SNX29: variants seen among roughly 807,000 people sequenced by gnomAD.
The protein encoded by SNX29 is sorting nexin 29.
A neutral mutation model predicts 102.1 loss-of-function variants in SNX29; 78 were observed. That is an observed-to-expected ratio of 0.76 (90% CI 0.64 to 0.92). The LOEUF is 0.92. Among genes scored for constraint, SNX29 ranks in the 40% least tolerant of loss-of-function variants. SNX29 has a pLI of 0.00. For missense variants in SNX29, 1,280 were observed against 1,061.7 expected, an observed-to-expected ratio of 1.21 and a Z score of -2.86; for synonymous variants, 580 against 414.5, an observed-to-expected ratio of 1.40 and a Z score of -4.85.
chr16:12,270,761 G>A (rs2079067066), intron 14 of SNX29, among the ~76,000 whole-genome samples: 1 of 152,012 alleles, frequency 6.6e-6, no homozygotes, highest in African/African-American at 2.4e-5. Context: ...TGGTCTCTCG[G>A]CTGGGCACAG....
At chr16:12,321,271 C>T (rs1179353589) in intron 15 of SNX29, among the ~76,000 whole-genome samples, 3 of 152,200 alleles carry the variant, frequency 2.0e-5, no homozygotes, top group Non-Finnish European at 4.4e-5. Flanking sequence ...TCTTCTCCAG[C>T]GGCCACCCTC....
intron 18 of SNX29, among the ~76,000 whole-genome samples, chr16:12,466,549 G>A (rs760066116): frequency 2.6e-5 from 4 of 152,128 alleles, no homozygotes; most frequent in African/African-American, 9.7e-5. Context: ...TTCCAGAGTC[G>A]CGGCCTGTCT....
chr16:12,400,398 T>TA (rs899824063), intron 17 of SNX29, among the ~76,000 whole-genome samples: 1 of 152,240 alleles, frequency 6.6e-6, no homozygotes, highest in Non-Finnish European at 1.5e-5. Flanking sequence ...ACTCAGTCCC[T>TA]ACAACAACCT....
At chr16:12,526,639 CG>C (rs1567656021) in intron 20 of SNX29, 4 of 528,830 alleles carry the variant, frequency 7.6e-6, no homozygotes, top group Admixed American at 2.3e-5. Context: ...CCAGGGTGCA[CG>C]GGGGAATTAG....
At chr16:12,547,854 T>A (rs1488459500) in intron 20 of SNX29, among the ~76,000 whole-genome samples, 2 of 152,172 alleles carry the variant, frequency 1.3e-5, no homozygotes, top group Non-Finnish European at 2.9e-5. Flanking sequence ...AACTGGAGTT[T>A]AGCAAAATGA....
intron 20 of SNX29, among the ~76,000 whole-genome samples, chr16:12,551,216 C>G (rs1486030544): frequency 2.0e-5 from 3 of 148,480 alleles, no homozygotes; most frequent in African/African-American, 5.1e-5. Flanking sequence ...ACACTGCACT[C>G]AGATTTGCCA....
intron 20 of SNX29, among the ~76,000 whole-genome samples, chr16:12,529,613 A>T (rs77396544): frequency 1.2e-3 from 186 of 152,306 alleles, no homozygotes; most frequent in African/African-American, 4.3e-3. Context: ...AGAGTAATGT[A>T]GGTCACAGCA....
chr16:12,213,736 C>T (rs981743833), intron 14 of SNX29, among the ~76,000 whole-genome samples: 4 of 152,210 alleles, frequency 2.6e-5, no homozygotes, highest in African/African-American at 9.6e-5. Context: ...CCTGACAAAA[C>T]AGTATTTGTG....
intron 19 of SNX29, among the ~76,000 whole-genome samples, chr16:12,513,635 A>G (rs1395087709): frequency 6.6e-6 from 1 of 152,232 alleles, no homozygotes; most frequent in Non-Finnish European, 1.5e-5. Context: ...TGATTGGCCC[A>G]GATGGGAGCC....
chr16:12,036,394 G>A (rs1326157292), intron 4 of SNX29, among the ~76,000 whole-genome samples: 2 of 147,862 alleles, frequency 1.4e-5, no homozygotes, highest in Non-Finnish European at 3.0e-5. Flanking sequence ...GAGTGCAGTG[G>A]CACCATCTCG....
chr16:12,168,985 CAGAA>C (rs2076081403), intron 13 of SNX29, among the ~76,000 whole-genome samples: 1 of 152,172 alleles, frequency 6.6e-6, no homozygotes, highest in African/African-American at 2.4e-5. Flanking sequence ...GAGCTTTTAC[CAGAA>C]AGGGTTTTCC....
At chr16:12,003,091 G>A (rs186061320) in intron 3 of SNX29, 48 bp downstream of exon 3, 9 of 1,609,180 alleles carry the variant, frequency 5.6e-6, no homozygotes, top group Admixed American at 1.7e-5. Flanking sequence ...TTGGAAAGGC[G>A]GCAGAAGGTG....
At chr16:12,547,207 G>A (rs186107033) in intron 20 of SNX29, among the ~76,000 whole-genome samples, 84 of 152,320 alleles carry the variant, frequency 5.5e-4, no homozygotes, top group African/African-American at 1.9e-3. Flanking sequence ...TTGACCCGAA[G>A]TGGAGACCTG....
chr16:12,224,898 A>G (rs956088504), intron 14 of SNX29, among the ~76,000 whole-genome samples: 3 of 152,196 alleles, frequency 2.0e-5, no homozygotes, highest in South Asian at 2.1e-4. Flanking sequence ...GTGGCTGTAC[A>G]TAGGGCCAGC....
At position 12,133,281 on chromosome 16, in the gene SNX29, GTTTTTTT is replaced by G. The variant is rs57733463; in HGVS notation, c.1595+3544_1595+3550del. 7.5e-5 allele frequency among the ~76,000 whole-genome samples: 5 copies of G among 66,900 alleles called. No homozygotes were observed. In the South Asian group the frequency reaches 2.8e-3, roughly 37 times the overall value. 43.9% of individuals were successfully genotyped at this position (66,900 alleles called of 152,430 possible). A position where few individuals can be genotyped will look rare whatever the true frequency, so the allele number is the denominator to read the frequency against. ...CTCTGTTTCTGTTTCCTTAGTGTGG[GTTTTTTT>G]TTTTTTTTTTTTTTTTTTTTAAGAT... On this transcript the variant is annotated intron_variant, in intron 13 of 20. Transcript: ENST00000566228.
rs62028747 is a variant in SNX29, at chr16:12,571,200, C to A, written c.*2571C>A. On this transcript the variant is annotated 3_prime_UTR_variant, in exon 21 of 21. Transcript: ENST00000566228. ...GTGTGGTGGGATGAACTTCAGGCAA[C>A]AAACAACTGGCAGGGTTCCCAGTTC... 2.6e-5 allele frequency: 6 copies of A among 232,024 alleles called. No individual in the cohort carries two copies. The highest frequency in any genetic ancestry group is 1.3e-4 in the African/African-American group (6 of 45,066). The allele number at this position is 232,024 out of a possible 1,614,324, so 14.4% of individuals were successfully genotyped here. A position where few individuals can be genotyped will look rare whatever the true frequency, so the allele number is the denominator to read the frequency against.
At chr16:12,239,813 C>G (rs139456079) in intron 14 of SNX29, among the ~76,000 whole-genome samples, 3,896 of 123,512 alleles carry the variant, frequency 0.032, 116 homozygotes, top group African/African-American at 0.082. Flanking sequence ...GACTGACACC[C>G]TGTCTCAAAA....
At chr16:12,523,316 C>T (rs578034462) in intron 19 of SNX29, among the ~76,000 whole-genome samples, 8 of 152,214 alleles carry the variant, frequency 5.3e-5, no homozygotes, top group Non-Finnish European at 1.0e-4. Context: ...ATCTGTTACG[C>T]GCCGTCGTCA....
At chr16:12,091,014 C>CAA (rs58933500) in intron 11 of SNX29, among the ~76,000 whole-genome samples, 964 of 53,300 alleles carry the variant, frequency 0.018, 47 homozygotes, top group African/African-American at 0.057. Flanking sequence ...GACTTCATCT[C>CAA]AAAAAAAAAA....
Sources: gnomAD v4.1 joint callset for allele counts (sites outside exome capture counted in the v4.1 genomes callset) on GRCh38, gnomAD v4.1.1 for gene constraint, MANE v1.5 for transcripts, NCBI Gene and HGNC (gene_info 2026-07-23, HGNC 2026-07-21) for gene names.